SLC38A1: variants seen among roughly 807,000 people sequenced by gnomAD.
The protein encoded by SLC38A1 is sodium-coupled neutral amino acid symporter 1.
SLC38A1 carries 18 observed loss-of-function variants against 60.3 expected under a neutral mutation model. The ratio of observed to expected loss-of-function variants is 0.30; its 90% CI spans 0.21 to 0.44. The LOEUF is 0.44. SLC38A1 is among the 20% of genes least tolerant of loss of function. SLC38A1 has a pLI of 1.00. For missense variants in SLC38A1, 448 were observed against 587.2 expected (o/e 0.76, Z 2.45); for synonymous variants, 196 against 212.1 (o/e 0.92, Z 0.66).
rs1379009761 is a variant in SLC38A1 at position 46,242,457 on chromosome 12, A to AT, written c.-94+742dup. Among the ~76,000 whole-genome samples, 8 of 151,716 alleles carry AT rather than the reference A, an allele frequency of 5.3e-5. No individual in the cohort carries two copies. The South Asian group carries it at 1.3e-3, about 24-fold the overall frequency. ...AGTCACATTTGGATTGGACCTTGAA[A>AT]TTTTTTTTTCCTAATTCTAAAAGTA... On this transcript the variant is annotated intron_variant, in intron 2 of 16. Transcript: ENST00000398637.
intron 3 of SLC38A1, among the ~76,000 whole-genome samples, chr12:46,233,634 T>C (rs769001150): frequency 1.3e-5 from 2 of 152,154 alleles, no homozygotes; most frequent in African/African-American, 2.4e-5. Flanking sequence ...TTGAAGCAGA[T>C]AAAGAATAAG....
intron 1 of SLC38A1, among the ~76,000 whole-genome samples, chr12:46,264,135 CA>C (rs1942281997): frequency 6.6e-6 from 1 of 152,206 alleles, no homozygotes; most frequent in African/African-American, 2.4e-5. Context: ...CTCTGAGACT[CA>C]CTAATCTAAA....
intron 5 of SLC38A1, among the ~76,000 whole-genome samples, chr12:46,228,230 A>G (rs1015660515): frequency 4.6e-5 from 7 of 152,230 alleles, no homozygotes; most frequent in Non-Finnish European, 8.8e-5. Context: ...ATGGATGGGC[A>G]TTTCTGTTCC....
chr12:46,210,997 G>A (rs186205523), intron 5 of SLC38A1, among the ~76,000 whole-genome samples: 154 of 152,274 alleles, frequency 1.0e-3, no homozygotes, highest in African/African-American at 3.3e-3. Flanking sequence ...TCTGAGATAC[G>A]TAATGGAACA....
intron 16 of SLC38A1, chr12:46,196,210 C>G (rs139501683): frequency 6.5e-7 from 1 of 1,536,014 alleles, no homozygotes; most frequent in Non-Finnish European, 8.7e-7. Flanking sequence ...GAGAGCGCTG[C>G]AGGGAGAAGG....
chr12:46,261,985 C>A (rs1409384466), intron 1 of SLC38A1, among the ~76,000 whole-genome samples: 1 of 152,190 alleles, frequency 6.6e-6, no homozygotes, highest in East Asian at 1.9e-4. Context: ...CAGCCACACA[C>A]AACAAAGAGC....
intron 1 of SLC38A1, among the ~76,000 whole-genome samples, chr12:46,256,604 C>T (rs996810160): frequency 3.3e-5 from 3 of 91,642 alleles, no homozygotes; most frequent in Admixed American, 2.0e-4. Context: ...CCAGTTTGCG[C>T]GCGCGCGCGC....
At chr12:46,198,273 TG>T (rs3217539) in intron 14 of SLC38A1, among the ~76,000 whole-genome samples, 3 of 151,982 alleles carry the variant, frequency 2.0e-5, no homozygotes, top group Non-Finnish European at 4.4e-5. Flanking sequence ...GTTTTCTTGT[TG>T]GGGGGTGTAA....
rs566540015 is a variant in SLC38A1, at chr12:46,184,326, C to A, written c.*4644G>T. 1 of 152,148 alleles carries A rather than the reference C, an allele frequency of 6.6e-6. No individual in the cohort carries two copies. The highest frequency in any genetic ancestry group is 1.5e-5 in the Non-Finnish European group (1 of 68,032). The allele number at this position is 152,148 out of a possible 1,614,324, so 9.4% of individuals were successfully genotyped here. ...GCTAAAGGATTCTCAAACCTGCCAT[C>A]CCCAAGGAAAATCATGTATTAGTAT... On this transcript the variant is annotated 3_prime_UTR_variant, in exon 17 of 17. Transcript: ENST00000398637.
intron 14 of SLC38A1, 133 bp from the exon 15 acceptor site, chr12:46,198,193 T>A: frequency 2.1e-6 from 2 of 960,068 alleles, no homozygotes; most frequent in East Asian, 5.2e-5. Flanking sequence ...AATTTATAGA[T>A]AGCTTAACAG....
chr12:46,242,784 AGAGT>A (rs1941489786), intron 2 of SLC38A1, among the ~76,000 whole-genome samples: 1 of 152,204 alleles, frequency 6.6e-6, no homozygotes, highest in African/African-American at 2.4e-5. Context: ...CCTGGGCAAC[AGAGT>A]GAGACCCTGT....
At chr12:46,196,729 G>A (rs972957938) in intron 16 of SLC38A1, among the ~76,000 whole-genome samples, 2 of 152,122 alleles carry the variant, frequency 1.3e-5, no homozygotes, top group African/African-American at 4.8e-5. Context: ...GCTTACACTA[G>A]CTGGGAGGGC....
At chr12:46,210,017 G>A (rs1342025602) in intron 5 of SLC38A1, among the ~76,000 whole-genome samples, 2 of 152,140 alleles carry the variant, frequency 1.3e-5, no homozygotes, top group Non-Finnish European at 2.9e-5. Context: ...ATACATAACT[G>A]CAATTGACTC....
intron 3 of SLC38A1, among the ~76,000 whole-genome samples, chr12:46,238,410 C>T (rs1025473106): frequency 6.6e-6 from 1 of 152,188 alleles, no homozygotes; most frequent in Non-Finnish European, 1.5e-5. Flanking sequence ...TAATCACATA[C>T]TTTATCAGAA....
chr12:46,197,203 C>G (rs1939415314), intron 16 of SLC38A1, among the ~76,000 whole-genome samples: 1 of 152,074 alleles, frequency 6.6e-6, no homozygotes, highest in South Asian at 2.1e-4. Flanking sequence ...ACAGTAAAAC[C>G]AGAGGGCCGG....
chr12:46,257,521 A>G (rs1942071137), intron 1 of SLC38A1, among the ~76,000 whole-genome samples: 1 of 152,106 alleles, frequency 6.6e-6, no homozygotes, highest in Admixed American at 6.6e-5. Context: ...CACTTACCCC[A>G]AGTCGGCTGA....
chr12:46,249,228 A>T (rs1180668610), intron 1 of SLC38A1, among the ~76,000 whole-genome samples: 1 of 151,856 alleles, frequency 6.6e-6, no homozygotes, highest in Non-Finnish European at 1.5e-5. Flanking sequence ...CCTGCTCCTG[A>T]ATGACTACTG....
chr12:46,196,199 T>A (rs1220563862), intron 16 of SLC38A1: 2 of 1,535,916 alleles, frequency 1.3e-6, no homozygotes, highest in Admixed American at 3.9e-5. Context: ...GCATGTTCAG[T>A]GAGAGCGCTG....
intron 1 of SLC38A1, among the ~76,000 whole-genome samples, chr12:46,253,737 T>C (rs1314979411): frequency 6.6e-6 from 1 of 152,184 alleles, no homozygotes; most frequent in East Asian, 1.9e-4. Context: ...GGAGTTGCTC[T>C]GGTTCACATG....
Sources: allele counts gnomAD v4.1 joint callset (sites outside exome capture counted in the v4.1 genomes callset), GRCh38; gene constraint gnomAD v4.1.1; transcripts MANE v1.5; gene names NCBI Gene and HGNC (gene_info 2026-07-23, HGNC 2026-07-21).